The following NOX4 variants were observed in gnomAD, a reference collection of about 807,000 sequenced individuals.
NOX4 encodes the protein NADPH oxidase 4, also known as kidney oxidase-1.
In NOX4, 69 loss-of-function variants were observed where a neutral mutation model predicts 87.6. The observed-to-expected ratio is 0.79, with a 90% confidence interval of 0.65 to 0.96. NOX4 has a LOEUF of 0.96. NOX4 is among the 40% of genes least tolerant of loss of function. The probability of loss-of-function intolerance (pLI) is 0.00; values close to 1 mark genes in which losing one functional copy is unlikely to be tolerated. For missense variants in NOX4, 680 were observed against 681.5 expected (o/e 1.00, Z 0.02); for synonymous variants, 275 against 238.2 (o/e 1.15, Z -1.42).
the NOX4 span, among the ~76,000 whole-genome samples, chr11:89,514,543 T>C: frequency 2.0e-5 from 3 of 152,008 alleles, no homozygotes; most frequent in Non-Finnish European, 4.4e-5. Flanking sequence ...AAAATGTTTA[T>C]TAAAATTAGC....
the NOX4 span, chr11:89,546,493 C>G: frequency 6.6e-6 from 1 of 152,168 alleles, no homozygotes; most frequent in African/African-American, 2.4e-5. Flanking sequence ...AGAGGCTTGG[C>G]TCTTACCACT....
At chr11:89,349,145 G>A (rs527755117) in intron 13 of NOX4, among the ~76,000 whole-genome samples, 11 of 152,034 alleles carry the variant, frequency 7.2e-5, no homozygotes, top group African/African-American at 9.6e-5. Context: ...AAATTAGCCC[G>A]GCATGGTGGC....
At chr11:89,489,219 A>G (rs182856804) in intron 2 of NOX4, among the ~76,000 whole-genome samples, 4 of 152,322 alleles carry the variant, frequency 2.6e-5, no homozygotes, top group Non-Finnish European at 5.9e-5. Flanking sequence ...TTACAGATAA[A>G]TAAGATCTCT....
chr11:89,476,347 T>G (rs1946167534), intron 2 of NOX4, among the ~76,000 whole-genome samples: 2 of 152,140 alleles, frequency 1.3e-5, no homozygotes, highest in South Asian at 4.1e-4. Context: ...TATGCGCAGT[T>G]CATAAGAAAG....
intron 2 of NOX4, among the ~76,000 whole-genome samples, chr11:89,464,502 T>C (rs1945596176): frequency 6.6e-6 from 1 of 152,210 alleles, no homozygotes; most frequent in South Asian, 2.1e-4. Flanking sequence ...AATATTCTAT[T>C]AGCTAAACAG....
intron 4 of NOX4, among the ~76,000 whole-genome samples, chr11:89,446,465 A>T (rs1346967331): frequency 6.6e-6 from 1 of 151,746 alleles, no homozygotes; most frequent in African/African-American, 2.4e-5. Flanking sequence ...AGCAACCAAC[A>T]TGTCTTTCAA....
At chr11:89,422,335 A>G (rs1047123270) in intron 7 of NOX4, among the ~76,000 whole-genome samples, 1 of 152,278 alleles carries the variant, frequency 6.6e-6, no homozygotes, top group Middle Eastern at 3.4e-3. Flanking sequence ...TCAGTTTTCA[A>G]ATAATTTCCA....
the NOX4 span, among the ~76,000 whole-genome samples, chr11:89,576,166 A>G: frequency 6.6e-6 from 1 of 152,310 alleles, no homozygotes; most frequent in South Asian, 2.1e-4. Flanking sequence ...CAACTTTAAA[A>G]CTGCTTGTAG....
intron 7 of NOX4, among the ~76,000 whole-genome samples, chr11:89,425,945 T>A (rs534909959): frequency 2.6e-5 from 4 of 152,270 alleles, no homozygotes; most frequent in African/African-American, 9.6e-5. Flanking sequence ...AGGAAATATA[T>A]CTTATATTCC....
At chr11:89,345,183 C>T (rs889431846) in intron 13 of NOX4, among the ~76,000 whole-genome samples, 6 of 152,138 alleles carry the variant, frequency 3.9e-5, no homozygotes, top group African/African-American at 9.7e-5. Flanking sequence ...CTAGGCCCTA[C>T]CCCAAGACTT....
chr11:89,498,657 G>C (rs1946985409), upstream of NOX4: 1 of 152,146 alleles, frequency 6.6e-6, no homozygotes, highest in Non-Finnish European at 1.5e-5. Flanking sequence ...CTAATAATAG[G>C]AAGAAAAGAA....
chr11:89,562,769 T>C, the NOX4 span, among the ~76,000 whole-genome samples: 17 of 152,228 alleles, frequency 1.1e-4, no homozygotes, highest in Non-Finnish European at 2.1e-4. Context: ...TTTTCACCTA[T>C]GCTTTGTGTA....
chr11:89,573,968 A>T, the NOX4 span, among the ~76,000 whole-genome samples: 1 of 151,988 alleles, frequency 6.6e-6, no homozygotes, highest in Non-Finnish European at 1.5e-5. Flanking sequence ...GTCGCCCCAG[A>T]AGGTCATACT....
At chr11:89,496,195 T>G (rs1324568289), upstream of NOX4, among the ~76,000 whole-genome samples, 3 of 152,182 alleles carry the variant, frequency 2.0e-5, no homozygotes, top group African/African-American at 7.2e-5. Context: ...ATCATCTGAT[T>G]CAGTCATTTA....
At chr11:89,488,704 A>G (rs1395501526) in intron 2 of NOX4, among the ~76,000 whole-genome samples, 3 of 152,188 alleles carry the variant, frequency 2.0e-5, no homozygotes, top group African/African-American at 4.8e-5. Flanking sequence ...TTACCATTCT[A>G]TATCTAAAGA....
At chr11:89,543,105 T>C in the NOX4 span, among the ~76,000 whole-genome samples, 1 of 152,134 alleles carries the variant, frequency 6.6e-6, no homozygotes, top group Non-Finnish European at 1.5e-5. Context: ...GAAAGCAATG[T>C]ACATTATTTG....
At chr11:89,408,355 T>C (rs1276567623) in intron 8 of NOX4, among the ~76,000 whole-genome samples, 1 of 152,182 alleles carries the variant, frequency 6.6e-6, no homozygotes, top group Non-Finnish European at 1.5e-5. Context: ...ATTTTCAACC[T>C]TCAAAAAGGA....
chr11:89,553,774 G>GA, the NOX4 span, among the ~76,000 whole-genome samples: 5 of 151,920 alleles, frequency 3.3e-5, no homozygotes, highest in Admixed American at 2.6e-4. Flanking sequence ...TAGTCTTCGA[G>GA]TAAGAGGGCT....
At chr11:89,394,625 T>C (rs1212621047) in intron 11 of NOX4, among the ~76,000 whole-genome samples, 1 of 152,112 alleles carries the variant, frequency 6.6e-6, no homozygotes, top group Admixed American at 6.6e-5. Flanking sequence ...TTACATTAGG[T>C]ATTTCTCCTA....
Sources: gnomAD v4.1 joint callset for allele counts (sites outside exome capture counted in the v4.1 genomes callset) on GRCh38, gnomAD v4.1.1 for gene constraint, MANE v1.5 for transcripts, NCBI Gene and HGNC (gene_info 2026-07-23, HGNC 2026-07-21) for gene names.